Variants in SORCS3 observed in about 807,000 individuals in gnomAD.
The protein encoded by SORCS3 is sortilin related VPS10 domain containing receptor 3, also known as VPS10 domain-containing receptor SorCS3.
Under a neutral mutation model 146.3 loss-of-function variants are expected in SORCS3, and 57 were observed. The ratio of observed to expected loss-of-function variants is 0.39; its 90% CI spans 0.31 to 0.49. The LOEUF (loss-of-function observed/expected upper bound fraction) is 0.49. SORCS3 is among the 20% of genes least tolerant of loss of function. SORCS3 has a pLI of 0.92. For synonymous variants in SORCS3, 653 were observed against 618.5 expected (o/e 1.06, Z -0.83); for missense variants, 1,341 against 1,575.5 (o/e 0.85, Z 2.52).
intron 3 of SORCS3, among the ~76,000 whole-genome samples, chr10:104,963,233 C>A (rs2054806224): frequency 6.6e-6 from 1 of 152,148 alleles, no homozygotes; most frequent in South Asian, 2.1e-4. Flanking sequence ...AGTCTCGTTC[C>A]ATATTGCCAC....
chr10:104,735,456 G>GTTTTTTTTTTTTTTTT (rs56203751), intron 1 of SORCS3, among the ~76,000 whole-genome samples: 948 of 34,796 alleles, frequency 0.027, 228 homozygotes, highest in East Asian at 0.042. Context: ...CTCACCGTCT[G>GTTTTTTTTTTTTTTTT]TTTTTTTTTT....
chr10:105,227,542 G>A (rs895734642), intron 20 of SORCS3, among the ~76,000 whole-genome samples: 29 of 152,102 alleles, frequency 1.9e-4, no homozygotes, highest in Admixed American at 4.6e-4. Context: ...AAAATGTTCT[G>A]TAAATATCTG....
chr10:104,684,660 TATCTC>T (rs1384207686), intron 1 of SORCS3, among the ~76,000 whole-genome samples: 2 of 152,094 alleles, frequency 1.3e-5, no homozygotes, highest in African/African-American at 4.8e-5. Flanking sequence ...GTTCTTCAGA[TATCTC>T]AACTGAAGAA....
At chr10:105,103,117 G>T (rs893315923) in intron 6 of SORCS3, among the ~76,000 whole-genome samples, 5 of 152,008 alleles carry the variant, frequency 3.3e-5, no homozygotes, top group African/African-American at 1.2e-4. Context: ...TTTTCTTAGA[G>T]ACTCAGAATG....
At chr10:105,163,580 T>G (rs977191468) in intron 11 of SORCS3, among the ~76,000 whole-genome samples, 2 of 152,148 alleles carry the variant, frequency 1.3e-5, no homozygotes, top group Non-Finnish European at 2.9e-5. Context: ...CTAGAAAAGC[T>G]TGACCACTTT....
intron 14 of SORCS3, among the ~76,000 whole-genome samples, chr10:105,186,838 C>T (rs1004566747): frequency 1.3e-5 from 2 of 148,226 alleles, no homozygotes; most frequent in East Asian, 2.0e-4. Context: ...GAGCCGAGAT[C>T]GTGCCACTGC....
chr10:105,211,093 G>T, intron 16 of SORCS3, 44 bp from the exon 17 acceptor site: 1 of 1,407,404 alleles, frequency 7.1e-7, no homozygotes, highest in African/African-American at 1.4e-5. Context: ...TTATTTTAGC[G>T]TTTGTACATA....
chr10:104,797,069 C>T (rs1453923137), intron 1 of SORCS3, among the ~76,000 whole-genome samples: 1 of 152,132 alleles, frequency 6.6e-6, no homozygotes, highest in Non-Finnish European at 1.5e-5. Flanking sequence ...GCATTCATCC[C>T]TAATGACATG....
At chr10:104,751,923 G>GAA (rs1564675362) in intron 1 of SORCS3, among the ~76,000 whole-genome samples, 33 of 21,748 alleles carry the variant, frequency 1.5e-3, no homozygotes, top group Middle Eastern at 0.036. Flanking sequence ...CTAATAGGAA[G>GAA]CATATATATA....
At chr10:105,080,965 T>C (rs1292099424) in intron 5 of SORCS3, among the ~76,000 whole-genome samples, 1 of 152,186 alleles carries the variant, frequency 6.6e-6, no homozygotes, top group Non-Finnish European at 1.5e-5. Context: ...ATAAAGTATA[T>C]TTCAAATTTA....
At chr10:105,259,755 C>T (rs2119771131) in intron 25 of SORCS3, among the ~76,000 whole-genome samples, 1 of 152,140 alleles carries the variant, frequency 6.6e-6, no homozygotes, top group Non-Finnish European at 1.5e-5. Flanking sequence ...CCTTATAGTC[C>T]AAAGCCCACT....
chr10:105,219,767 T>C (rs1255799801), intron 19 of SORCS3, among the ~76,000 whole-genome samples: 1 of 152,226 alleles, frequency 6.6e-6, no homozygotes, highest in Non-Finnish European at 1.5e-5. Flanking sequence ...CATTCCTCTA[T>C]TCCAAGGACT....
chr10:104,770,945 C>T (rs1455771952), intron 1 of SORCS3, among the ~76,000 whole-genome samples: 2 of 152,186 alleles, frequency 1.3e-5, no homozygotes, highest in African/African-American at 4.8e-5. Flanking sequence ...AAATTATTGT[C>T]ATCTTTAACA....
rs763975842 is a variant in SORCS3 at position 105,178,071 on chromosome 10, G to A, written c.1907G>A (p.Ser636Asn). The change falls in exon 14 of 27, where the codon AGT becomes AAT. Residue 636 changes from serine (S) to asparagine (N), a missense_variant. Physicochemically the swap from Ser to Asn is conservative, Grantham distance 46. Coordinates refer to ENST00000369701, the MANE Select transcript of SORCS3 (RefSeq NM_014978.3). ...TGTACTTGTTTCCAACACAGGGTGAGTTTTGATGAGGGCCACTCTTGGGAC... is the reference window on the plus strand; with the variant it reads ...TGTACTTGTTTCCAACACAGGGTGAATTTTGATGAGGGCCACTCTTGGGAC... Reference protein sequence around the residue: ...TPLPVRHLWVSFDEGHSWDKY... With the variant: ...TPLPVRHLWVNFDEGHSWDKY... 6.2e-7 allele frequency: 1 copy of A among 1,612,762 alleles called. No individual in the cohort carries two copies. The highest frequency in any genetic ancestry group is 2.2e-5 in the East Asian group (1 of 44,798).
intron 1 of SORCS3, among the ~76,000 whole-genome samples, chr10:104,767,896 A>G (rs1380150100): frequency 6.7e-6 from 1 of 150,134 alleles, no homozygotes; most frequent in African/African-American, 2.5e-5. Flanking sequence ...CTGGTAGTAT[A>G]AAACATGGTC....
chr10:105,226,056 C>CT (rs1470834342), intron 20 of SORCS3, among the ~76,000 whole-genome samples: 1 of 150,706 alleles, frequency 6.6e-6, no homozygotes, highest in Non-Finnish European at 1.5e-5. Flanking sequence ...TTTTTTTTCT[C>CT]TTGCCTGATT....
intron 5 of SORCS3, among the ~76,000 whole-genome samples, chr10:105,083,349 C>T (rs556072562): frequency 2.1e-3 from 313 of 151,924 alleles, no homozygotes; most frequent in Non-Finnish European, 1.8e-3. Flanking sequence ...TTTATGTGTC[C>T]TGAGGCTAGT....
chr10:104,711,006 T>C (rs2016409230), intron 1 of SORCS3, among the ~76,000 whole-genome samples: 1 of 152,212 alleles, frequency 6.6e-6, no homozygotes, highest in Non-Finnish European at 1.5e-5. Flanking sequence ...CAATTTCTTA[T>C]TATGTGCTAG....
chr10:105,006,246 C>CTTCTAATT (rs1287986644), intron 4 of SORCS3, among the ~76,000 whole-genome samples: 1 of 152,158 alleles, frequency 6.6e-6, no homozygotes, highest in Non-Finnish European at 1.5e-5. Flanking sequence ...CTGGCCAATT[C>CTTCTAATT]TTCTAATTTC....
Sources: allele counts gnomAD v4.1 joint callset (sites outside exome capture counted in the v4.1 genomes callset), GRCh38; gene constraint gnomAD v4.1.1; transcripts MANE v1.5; gene names NCBI Gene and HGNC (gene_info 2026-07-23, HGNC 2026-07-21).